RNF213: variants seen among roughly 807,000 people sequenced by gnomAD.
RNF213 encodes the protein E3 ubiquitin-protein ligase RNF213.
RNF213 carries 341 observed loss-of-function variants against 514.4 expected under a neutral mutation model. The observed-to-expected ratio is 0.66, with a 90% CI of 0.61 to 0.73. RNF213 has a LOEUF of 0.73. Among genes scored for constraint, RNF213 ranks in the 30% least tolerant of loss-of-function variants. The probability of loss-of-function intolerance (pLI) is 0.00; values close to 1 mark genes in which losing one functional copy is unlikely to be tolerated. For synonymous variants in RNF213, 2,655 were observed against 2,658.2 expected, an observed-to-expected ratio of 1.00 and a Z score of 0.04; for missense variants, 5,767 against 6,615.6, an observed-to-expected ratio of 0.87 and a Z score of 4.45.
At chr17:80,383,363 A>G (rs1270812534) in intron 58 of RNF213, among the ~76,000 whole-genome samples, 1 of 152,234 alleles carries the variant, frequency 6.6e-6, no homozygotes, top group Non-Finnish European at 1.5e-5. Context: ...GTAATGTACG[A>G]GGTAGAGAAA....
intron 40 of RNF213, 109 bp downstream of exon 40, chr17:80,363,423 G>A: frequency 8.0e-7 from 1 of 1,254,144 alleles, no homozygotes; most frequent in South Asian, 1.2e-5. Flanking sequence ...TTCTTCACAA[G>A]GCACATACCT....
intron 2 of RNF213, among the ~76,000 whole-genome samples, chr17:80,272,696 A>G (rs2043865488): frequency 6.6e-6 from 1 of 152,230 alleles, no homozygotes; most frequent in Non-Finnish European, 1.5e-5. Flanking sequence ...AATGAAGGCT[A>G]GAGTGAGTGT....
In RNF213 at chr17:80,307,110, T is replaced by A. The variant is rs1298687851; in HGVS notation, c.2428-18T>A. On this transcript the variant is annotated intron_variant, in intron 12 of 67. Transcript: ENST00000582970. ...GATTCAATCTTTTGTCCTGTTTTTC[T>A]TTTTTTCTCTGCCTTAGGATGTTCA... 6.2e-7 allele frequency: 1 copy of A among 1,612,396 alleles called. No individual in the cohort carries two copies. The highest frequency in any genetic ancestry group is 1.1e-5 in the South Asian group (1 of 91,044).
chr17:80,311,446 G>C (rs911682792), intron 14 of RNF213, among the ~76,000 whole-genome samples: 1 of 152,152 alleles, frequency 6.6e-6, no homozygotes, highest in Admixed American at 6.5e-5. Context: ...TGTGCCATTG[G>C]GGGGACCTTC....
At chr17:80,383,592 C>A (rs938672136) in intron 58 of RNF213, 85 bp from the exon 59 acceptor site, 3 of 1,419,912 alleles carry the variant, frequency 2.1e-6, no homozygotes, top group Non-Finnish European at 3.0e-6. Context: ...TATGCAGACA[C>A]CCACTGGTGG....
chr17:80,355,414 CGG>C (rs1568122178), intron 36 of RNF213: 49 of 93,382 alleles, frequency 5.2e-4, no homozygotes, highest in Middle Eastern at 4.4e-3. Flanking sequence ...TGGGGGCTCA[CGG>C]AGGAAGAAGC....
chr17:80,372,860 G>C, intron 48 of RNF213, 115 bp from the exon 49 acceptor site: 1 of 1,372,512 alleles, frequency 7.3e-7, no homozygotes, highest in Non-Finnish European at 1.0e-6. Flanking sequence ...CTCTCCCCTG[G>C]ATGTGTTTCT....
At chr17:80,269,753 T>C (rs57148060) in intron 2 of RNF213, among the ~76,000 whole-genome samples, 8,099 of 151,948 alleles carry the variant, frequency 0.053, 310 homozygotes, top group East Asian at 0.2. Context: ...TCCCATCTTA[T>C]CTATCCATCC....
At chr17:80,360,798 A>G (rs1475437253) in intron 38 of RNF213, among the ~76,000 whole-genome samples, 2 of 152,226 alleles carry the variant, frequency 1.3e-5, no homozygotes, top group African/African-American at 4.8e-5. Context: ...CATACATGCA[A>G]TAGTCTTTTC....
rs1418176695 is a variant in RNF213 at position 80,340,323 on chromosome 17, G to T, written c.5956G>T (p.Val1986Phe). ...AGCCGTGTTCAATGACCGGCTGTGT[G>T]TTGGGATCGTGGCCTCGGAGCGAGC... ...AAAVFNDRLC[V>F]GIVASERAGV... The change falls in exon 26 of 68, where the codon GTT becomes TTT. Residue 1986 changes from valine to phenylalanine, a missense_variant. This residue lies in a region of RNF213 where 1,377 missense variants were observed against 1,635.2 expected (regional missense o/e 0.84). Coordinates refer to ENST00000582970, the MANE Select transcript of RNF213 (RefSeq NM_001256071.3). 6.2e-7 allele frequency: 1 copy of T among 1,613,638 alleles called. No homozygotes were observed.
At chr17:80,275,503 A>T in intron 3 of RNF213, among the ~76,000 whole-genome samples, 1 of 152,066 alleles carries the variant, frequency 6.6e-6, no homozygotes, top group Admixed American at 6.6e-5. Flanking sequence ...TCCATGAATA[A>T]TGAGGAATCT....
chr17:80,353,868 G>A lies in RNF213; in HGVS notation c.10579-151G>A, dbSNP rs2078627592. On this transcript the variant is annotated intron_variant, in intron 34 of 67. Coordinates refer to ENST00000582970, the MANE Select transcript of RNF213 (RefSeq NM_001256071.3). The surrounding 1 kb of genome is among the most constrained non-coding windows in gnomAD (Gnocchi z 5.0). Reference sequence around the variant, plus strand: ...CATCTGCACCGGCAGTTTGGGGGGTGCAGGGCGGAGGTCGGCGTCTCTTCT... The same window carrying A: ...CATCTGCACCGGCAGTTTGGGGGGTACAGGGCGGAGGTCGGCGTCTCTTCT... The A allele has an allele frequency of 3.3e-6, 4 of 1,203,372 alleles. No homozygotes were observed. The highest frequency in any genetic ancestry group is 4.8e-6 in the Non-Finnish European group (4 of 836,136). 74.5% of individuals were successfully genotyped at this position (1,203,372 alleles called of 1,614,324 possible). A position where few individuals can be genotyped will look rare whatever the true frequency, so the allele number is the denominator to read the frequency against.
chr17:80,352,731 A>G, intron 32 of RNF213: 2 of 716,900 alleles, frequency 2.8e-6, no homozygotes, highest in South Asian at 1.6e-5. Context: ...CTTATGGTGA[A>G]GCTGTCGATG....
chr17:80,272,055 C>T (rs752875482), intron 2 of RNF213, among the ~76,000 whole-genome samples: 12 of 151,204 alleles, frequency 7.9e-5, no homozygotes, highest in East Asian at 2.0e-4. Context: ...GAGGGCAAGA[C>T]GGGTGGATCA....
rs769227871 is a variant in RNF213, at chr17:80,347,121, A to G, written c.8786A>G (p.Gln2929Arg). Reference sequence around the variant, plus strand: ...GACATCCTCGTCCAGGACCGAGTCCAAGGGTACTTTGCGTCCTTTGCCAAA... The same window carrying G: ...GACATCCTCGTCCAGGACCGAGTCCGAGGGTACTTTGCGTCCTTTGCCAAA... ...SSDILVQDRV[Q>R]GYFASFAKAY... The change falls in exon 29 of 68, where the codon CAA becomes CGA. Residue 2929 changes from glutamine (Q) to arginine (R), a missense_variant. Coordinates refer to ENST00000582970, the MANE Select transcript of RNF213 (RefSeq NM_001256071.3). This position sits in a 1 kb window ranked among gnomAD's most constrained non-coding sequence, Gnocchi z 7.2. 8.7e-6 allele frequency: 14 copies of G among 1,614,084 alleles called. No homozygotes were observed. The highest frequency in any genetic ancestry group is 1.2e-5 in the Non-Finnish European group (14 of 1,180,020).
At chr17:80,268,241 A>G (rs77072070) in intron 2 of RNF213, among the ~76,000 whole-genome samples, 2,874 of 151,260 alleles carry the variant, frequency 0.019, 57 homozygotes, top group East Asian at 0.11. Context: ...ATCGTGCTAC[A>G]GTGAGCATGG....
At chr17:80,328,041 G>C (rs942341248) in intron 19 of RNF213, 52 bp downstream of exon 19, 146 of 1,527,698 alleles carry the variant, frequency 9.6e-5, no homozygotes, top group Non-Finnish European at 1.2e-4. Context: ...TAAGTAGCTG[G>C]AAGACACGTT....
At chr17:80,371,748 ATATG>A in intron 46 of RNF213, 122 bp from the exon 47 acceptor site, 1 of 634,730 alleles carries the variant, frequency 1.6e-6, no homozygotes, top group Non-Finnish European at 2.9e-6. Context: ...GAAACCACGT[ATATG>A]TATGTATATG....
intron 54 of RNF213, among the ~76,000 whole-genome samples, chr17:80,378,339 GT>G (rs1288256216): frequency 6.6e-6 from 1 of 152,220 alleles, no homozygotes; most frequent in Non-Finnish European, 1.5e-5. Context: ...GGGAAGAACT[GT>G]TGATTATTCC....
Sources: allele counts gnomAD v4.1 joint callset (sites outside exome capture counted in the v4.1 genomes callset), GRCh38; gene constraint gnomAD v4.1.1; regional missense constraint gnomAD v4.1.1; non-coding constraint Gnocchi (gnomAD v3.1); transcripts MANE v1.5; gene names NCBI Gene and HGNC (gene_info 2026-07-23, HGNC 2026-07-21).